ZNF808: variants seen among roughly 807,000 people sequenced by gnomAD.
The protein encoded by ZNF808 is zinc finger protein 808.
Under a neutral mutation model 8.7 loss-of-function variants are expected in ZNF808, and 5 were observed. That is an observed-to-expected ratio of 0.58 (90% CI 0.30 to 1.21). ZNF808 has a LOEUF of 1.21. ZNF808 is among the 50% of genes most tolerant of loss of function. ZNF808 has a pLI of 0.07. For synonymous variants in ZNF808, 380 were observed against 366.0 expected, an observed-to-expected ratio of 1.04 and a Z score of -0.44; for missense variants, 1,103 against 1,098.4, an observed-to-expected ratio of 1.00 and a Z score of -0.06.
At chr19:52,558,003 G>A (rs1031945587), downstream of ZNF808, among the ~76,000 whole-genome samples, 61 of 143,996 alleles carry the variant, frequency 4.2e-4, no homozygotes, top group African/African-American at 1.4e-3. Flanking sequence ...AATGGAGTGC[G>A]CGTCTAGGTG....
At chr19:52,548,730 G>A (rs939503447) in intron 4 of ZNF808, among the ~76,000 whole-genome samples, 6 of 152,030 alleles carry the variant, frequency 3.9e-5, no homozygotes, top group African/African-American at 1.2e-4. Context: ...TGGCCCATCC[G>A]AGTTGTTTTT....
At position 52,553,144 on chromosome 19, in the gene ZNF808, A is replaced by C. The variant is rs1391621226; in HGVS notation, c.228A>C (p.Ser76=). ...SSKHMMKEVL[S]TGQGNREVIH... ...AACACATGATGAAGGAGGTCTTGTC[A>C]ACAGGGCAAGGCAATAGAGAAGTGA... The change falls in exon 5 of 5, where the codon TCA becomes TCC. Residue 76 remains serine (S), a synonymous_variant. Coordinates refer to ENST00000359798, the MANE Select transcript of ZNF808 (RefSeq NM_001039886.4). 1 of 1,579,010 alleles carries C rather than the reference A, an allele frequency of 6.3e-7. No individual in the cohort carries two copies. Among genetic ancestry groups the C allele is most frequent in the African/African-American group, 1.4e-5 (1 of 73,032 alleles).
At chr19:52,566,957 G>GTTTTT (rs58981436), downstream of ZNF808, among the ~76,000 whole-genome samples, 10 of 145,780 alleles carry the variant, frequency 6.9e-5, no homozygotes, top group South Asian at 2.2e-4. Context: ...AAGGATAGGT[G>GTTTTT]TTTTTTTTTT....
At chr19:52,550,043 T>C (rs2059761029) in intron 4 of ZNF808, among the ~76,000 whole-genome samples, 1 of 152,208 alleles carries the variant, frequency 6.6e-6, no homozygotes, top group Non-Finnish European at 1.5e-5. Flanking sequence ...TTGTATTTTC[T>C]GGTCTGGTCA....
At chr19:52,560,042 T>C (rs924592039), downstream of ZNF808, among the ~76,000 whole-genome samples, 14 of 152,210 alleles carry the variant, frequency 9.2e-5, no homozygotes, top group Admixed American at 2.6e-4. Context: ...TGATGAGTTA[T>C]TAGTAAGGAT....
intron 4 of ZNF808, among the ~76,000 whole-genome samples, chr19:52,548,949 T>G (rs2059749207): frequency 6.6e-6 from 1 of 151,856 alleles, no homozygotes. Flanking sequence ...GAAACCACAT[T>G]TCTATTAGAG....
At chr19:52,537,687 CA>C (rs11330924) in intron 2 of ZNF808, among the ~76,000 whole-genome samples, 45,309 of 116,914 alleles carry the variant, frequency 0.39, 7,300 homozygotes, top group East Asian at 0.56. Flanking sequence ...GACCCTGTCT[CA>C]AAAAAAAAAA....
Position 52,535,102 on chromosome 19 carries a change from T to C in ZNF808, c.-20+2093T>C, listed in dbSNP as rs143326653. ...ATCCTAGCAGTTTGGGAGGCTGAGG[T>C]GGGCGGATCACAAGGTCAGGAGATC... On this transcript the variant is annotated intron_variant, in intron 2 of 4. Coordinates refer to ENST00000359798, the MANE Select transcript of ZNF808 (RefSeq NM_001039886.4). Among the ~76,000 whole-genome samples the C allele has an allele frequency of 5.1e-3, 753 of 148,388 alleles. 8 individuals carry two copies. Among genetic ancestry groups the C allele is most frequent in the Non-Finnish European group, 8.7e-3 (587 of 67,222 alleles).
chr19:52,546,181 C>T (rs2059717955), intron 3 of ZNF808, among the ~76,000 whole-genome samples: 1 of 136,072 alleles, frequency 7.3e-6, no homozygotes, highest in South Asian at 2.3e-4. Flanking sequence ...TTGCTGTCAT[C>T]ATAACAGTTT....
In ZNF808 at chr19:52,553,996, C is replaced by T. The variant is rs1318379460; in HGVS notation, c.1080C>T (p.Arg360=). 1.2e-6 allele frequency: 2 copies of T among 1,613,884 alleles called. No individual in the cohort carries two copies. The highest frequency in any genetic ancestry group is 1.1e-5 in the South Asian group (1 of 91,068). The change falls in exon 5 of 5, where the codon CGC becomes CGT. Residue 360 remains arginine (R), a synonymous_variant. Coordinates refer to ENST00000359798, the MANE Select transcript of ZNF808 (RefSeq NM_001039886.4). ...KAFNQQSHLS[R]HQRLHTGVKP... The stretch of plus-strand genomic sequence containing the variant: ...TTAATCAACAATCACACCTTTCACG[C>T]CATCAAAGACTTCATACTGGAGTGA...
In ZNF808 at chr19:52,556,085, T is replaced by C. The variant is rs927234329; in HGVS notation, c.*457T>C. On this transcript the variant is annotated 3_prime_UTR_variant, in exon 5 of 5. Coordinates refer to ENST00000359798, the MANE Select transcript of ZNF808 (RefSeq NM_001039886.4). ...GCAAACCATCAAGCATTAATTGACATTGGAGTCAATTCAGCATTGACTTGA... is the reference window on the plus strand; with the variant it reads ...GCAAACCATCAAGCATTAATTGACACTGGAGTCAATTCAGCATTGACTTGA... 9.3e-6 allele frequency: 4 copies of C among 429,232 alleles called. No homozygotes were observed. Among genetic ancestry groups the C allele is most frequent in the African/African-American group, 6.2e-5 (3 of 48,652 alleles). 26.6% of individuals were successfully genotyped at this position (429,232 alleles called of 1,614,324 possible).
In ZNF808 at chr19:52,554,599, C is replaced by G. The variant is rs1455669626; in HGVS notation, c.1683C>G (p.His561Gln). The G allele has an allele frequency of 6.2e-7, 1 of 1,613,406 alleles. No individual in the cohort carries two copies. The highest frequency in any genetic ancestry group is 8.5e-7 in the Non-Finnish European group (1 of 1,179,748). Residue 561 changes from histidine (H) to glutamine (Q), a missense_variant, in exon 5 of 5, where the codon CAC (histidine) becomes CAG (glutamine). Transcript: ENST00000359798. ...NSVLAVHTRI[H>Q]TAKKPYKCNE... is the part of the protein sequence containing the mutation. ...TCCTGGCTGTACATACTAGAATTCACACTGCAAAGAAACCTTACAAGTGTA... is the reference window on the plus strand; with the variant it reads ...TCCTGGCTGTACATACTAGAATTCAGACTGCAAAGAAACCTTACAAGTGTA...
At chr19:52,540,527 G>T (rs1406236307) in intron 2 of ZNF808, among the ~76,000 whole-genome samples, 1 of 152,150 alleles carries the variant, frequency 6.6e-6, no homozygotes, top group Non-Finnish European at 1.5e-5. Context: ...ACTTGATAAT[G>T]ATATCAAGGA....
chr19:52,531,823 T>C (rs1371325673), intron 1 of ZNF808, among the ~76,000 whole-genome samples: 3 of 152,348 alleles, frequency 2.0e-5, no homozygotes, highest in South Asian at 2.1e-4. Flanking sequence ...CCTGGTGTTA[T>C]GTAACTGTAC....
downstream of ZNF808, among the ~76,000 whole-genome samples, chr19:52,564,876 G>A (rs1338094067): frequency 1.3e-5 from 2 of 152,016 alleles, no homozygotes; most frequent in African/African-American, 4.8e-5. Context: ...CACGAGGTCG[G>A]GAGATTGAGA....
At chr19:52,567,483 TTTTTTATTATTATTA>T (rs71180475), downstream of ZNF808, among the ~76,000 whole-genome samples, 4,956 of 130,792 alleles carry the variant, frequency 0.038, 140 homozygotes, top group Middle Eastern at 0.062. Context: ...TCCAGCTGTA[TTTTTTATTATTATTA>T]TTATTATTAT....
Position 52,543,259 on chromosome 19 carries a change from C to T in ZNF808, c.-19-7C>T. The T allele has an allele frequency of 9.9e-6, 16 of 1,608,850 alleles. No homozygotes were observed. Among genetic ancestry groups the T allele is most frequent in the African/African-American group, 4.0e-5 (3 of 74,626 alleles). On this transcript the variant is annotated splice_polypyrimidine_tract_variant and splice_region_variant and intron_variant, in intron 2 of 4. Coordinates refer to ENST00000359798, the MANE Select transcript of ZNF808 (RefSeq NM_001039886.4). ...TAACATGAAGTCTTATTTTTTTTCACATACAGGATTGATTTCTAAAGACTC... is the reference window on the plus strand; with the variant it reads ...TAACATGAAGTCTTATTTTTTTTCATATACAGGATTGATTTCTAAAGACTC...
intron 3 of ZNF808, among the ~76,000 whole-genome samples, chr19:52,562,814 C>A (rs1254060412): frequency 6.6e-6 from 1 of 151,950 alleles, no homozygotes; most frequent in Non-Finnish European, 1.5e-5. Flanking sequence ...TGCCCTGTTA[C>A]CCAGGCTGGA....
Position 52,555,091 on chromosome 19 carries a change from T to C in ZNF808, c.2175T>C (p.His725=), listed in dbSNP as rs1229508582. ...GTAACAGGTCATCCCTTGTATGCCATCGTAGAATTCATAGTGGTGAGAAAC... is the reference window on the plus strand; with the variant it reads ...GTAACAGGTCATCCCTTGTATGCCACCGTAGAATTCATAGTGGTGAGAAAC... ...TFSNRSSLVC[H]RRIHSGEKPY... Residue 725 remains histidine (H), a synonymous_variant, in exon 5 of 5, where the codon CAT becomes CAC. Coordinates refer to ENST00000359798, the MANE Select transcript of ZNF808 (RefSeq NM_001039886.4). 10 of 1,614,176 alleles carry C rather than the reference T, an allele frequency of 6.2e-6. No individual in the cohort carries two copies. In the East Asian group the frequency reaches 8.9e-5, roughly 14 times the overall value.
Sources: allele counts gnomAD v4.1 joint callset (sites outside exome capture counted in the v4.1 genomes callset), GRCh38; gene constraint gnomAD v4.1.1; transcripts MANE v1.5; gene names NCBI Gene and HGNC (gene_info 2026-07-23, HGNC 2026-07-21).